ST8SIA5: variants seen among roughly 807,000 people sequenced by gnomAD.
ST8SIA5 encodes the protein ST8 alpha-N-acetyl-neuraminide alpha-2,8-sialyltransferase 5, also known as alpha-2,8-sialyltransferase 8E.
A neutral mutation model predicts 40.2 loss-of-function variants in ST8SIA5; 24 were observed. The ratio of observed to expected loss-of-function variants is 0.60; its 90% CI spans 0.43 to 0.84. The LOEUF (loss-of-function observed/expected upper bound fraction) is 0.84. Among genes scored for constraint, ST8SIA5 ranks in the 40% least tolerant of loss-of-function variants. The probability of loss-of-function intolerance (pLI) is 0.00; values close to 1 mark genes in which losing one functional copy is unlikely to be tolerated. For missense variants in ST8SIA5, 465 were observed against 498.5 expected (o/e 0.93, Z 0.64); for synonymous variants, 198 against 201.8 (o/e 0.98, Z 0.16).
chr18:46,706,178 A>C (rs942379467), intron 1 of ST8SIA5, among the ~76,000 whole-genome samples: 2 of 152,048 alleles, frequency 1.3e-5, no homozygotes, highest in Non-Finnish European at 2.9e-5. Context: ...ATAATATTTT[A>C]AGATATTAAA....
At chr18:46,720,148 A>G (rs962364428) in intron 1 of ST8SIA5, among the ~76,000 whole-genome samples, 5 of 151,998 alleles carry the variant, frequency 3.3e-5, no homozygotes, top group Admixed American at 6.6e-5. Context: ...TTTGACTCGC[A>G]TTTTCTACCC....
chr18:46,680,562 C>A (rs1242702395), intron 6 of ST8SIA5, 52 bp from the exon 7 acceptor site: 1 of 1,486,074 alleles, frequency 6.7e-7, no homozygotes, highest in Non-Finnish European at 9.0e-7. Flanking sequence ...TGCCCTCAGG[C>A]CCCTCGCTTC....
rs966149811 is a variant in ST8SIA5, at chr18:46,727,820, G to GA, written c.132-23157dup. 2.6e-5 allele frequency among the ~76,000 whole-genome samples: 4 copies of GA among 151,834 alleles called. No homozygotes were observed. The East Asian group carries it at 5.8e-4, about 22-fold the overall frequency. ...CCATGTTCTCATGCTCTTTTTTGGG[G>GA]AAAAAAAGACTTTTCCATTGTCCAA... On this transcript the variant is annotated intron_variant, in intron 1 of 6. Coordinates refer to ENST00000315087, the MANE Select transcript of ST8SIA5 (RefSeq NM_013305.6).
chr18:46,680,629 G>A (rs1161080433), intron 6 of ST8SIA5, 119 bp from the exon 7 acceptor site: 1 of 1,013,046 alleles, frequency 9.9e-7, no homozygotes, highest in Non-Finnish European at 1.4e-6. Flanking sequence ...AAGGCCACCT[G>A]CCTCCTGACA....
intron 1 of ST8SIA5, among the ~76,000 whole-genome samples, chr18:46,725,972 A>AAAAATATATATATATAT (rs59660372): frequency 3.4e-5 from 1 of 29,094 alleles, no homozygotes; most frequent in Admixed American, 4.5e-4. Flanking sequence ...AAAAAAAAAA[A>AAAAATATATATATATAT]ATATATATAT....
At chr18:46,754,029 T>C (rs2040219048) in intron 1 of ST8SIA5, among the ~76,000 whole-genome samples, 1 of 152,102 alleles carries the variant, frequency 6.6e-6, no homozygotes. Context: ...TGGTCAAGTG[T>C]TTGTAGACAG....
At chr18:46,749,223 C>T (rs775012892) in intron 1 of ST8SIA5, among the ~76,000 whole-genome samples, 1 of 152,088 alleles carries the variant, frequency 6.6e-6, no homozygotes, top group Non-Finnish European at 1.5e-5. Context: ...GGATAGGGGT[C>T]TGGGAAGCGA....
At chr18:46,709,956 A>G (rs930171421) in intron 1 of ST8SIA5, among the ~76,000 whole-genome samples, 1 of 152,142 alleles carries the variant, frequency 6.6e-6, no homozygotes, top group Non-Finnish European at 1.5e-5. Flanking sequence ...TGAGGGAAGC[A>G]CTTTCTCCAA....
chr18:46,748,589 A>G (rs1429570267), intron 1 of ST8SIA5, among the ~76,000 whole-genome samples: 1 of 151,024 alleles, frequency 6.6e-6, no homozygotes, highest in Non-Finnish European at 1.5e-5. Flanking sequence ...AAAGAATCTA[A>G]ATAGATATTT....
intron 2 of ST8SIA5, among the ~76,000 whole-genome samples, chr18:46,698,824 A>G (rs987767343): frequency 1.3e-5 from 2 of 152,194 alleles, no homozygotes; most frequent in Non-Finnish European, 2.9e-5. Flanking sequence ...GATGAAGAGA[A>G]ACCCTAAAGG....
At chr18:46,740,342 G>A (rs2040075947) in intron 1 of ST8SIA5, among the ~76,000 whole-genome samples, 1 of 151,976 alleles carries the variant, frequency 6.6e-6, no homozygotes, top group South Asian at 2.1e-4. Flanking sequence ...GAAGAAGGGA[G>A]AAAAGGCAAG....
At chr18:46,703,899 G>A (rs1264808444) in intron 2 of ST8SIA5, among the ~76,000 whole-genome samples, 2 of 152,230 alleles carry the variant, frequency 1.3e-5, no homozygotes, top group East Asian at 3.8e-4. Context: ...AGCATTTAAT[G>A]TGCTTTCCCT....
At chr18:46,693,748 C>T (rs1193136200) in intron 2 of ST8SIA5, among the ~76,000 whole-genome samples, 1 of 152,098 alleles carries the variant, frequency 6.6e-6, no homozygotes, top group Non-Finnish European at 1.5e-5. Context: ...ACTAACTGAC[C>T]AATATGAGAT....
chr18:46,725,984 T>TATCCTGG (rs1555696964), intron 1 of ST8SIA5, among the ~76,000 whole-genome samples: 1 of 43,680 alleles, frequency 2.3e-5, no homozygotes, highest in African/African-American at 9.2e-5. Flanking sequence ...TATATATATA[T>TATCCTGG]ATATATATAT....
intron 4 of ST8SIA5, among the ~76,000 whole-genome samples, chr18:46,687,224 A>G (rs2039457175): frequency 6.6e-6 from 1 of 152,260 alleles, no homozygotes; most frequent in Non-Finnish European, 1.5e-5. Context: ...AAAACTATGT[A>G]AAATTCCAAT....
chr18:46,697,098 T>C (rs1204878166), intron 2 of ST8SIA5, among the ~76,000 whole-genome samples: 1 of 128,062 alleles, frequency 7.8e-6, no homozygotes, highest in African/African-American at 3.0e-5. Flanking sequence ...GGAGGAGAGA[T>C]GGAATCAGAC....
chr18:46,756,744 C>G lies in ST8SIA5; in HGVS notation c.-236G>C, dbSNP rs1354566099. On this transcript the variant is annotated 5_prime_UTR_variant, in exon 1 of 7. Transcript: ENST00000315087. Reference sequence around the variant, plus strand: ...CCGGTGGCAGGGAGCTCTGCCGCGGCCAGGGGCCTTCCCCACCCCCGGGTA... The same window carrying G: ...CCGGTGGCAGGGAGCTCTGCCGCGGGCAGGGGCCTTCCCCACCCCCGGGTA... The G allele has an allele frequency of 4.2e-6, 2 of 473,542 alleles. No individual in the cohort carries two copies. Among genetic ancestry groups the G allele is most frequent in the African/African-American group, 2.1e-5 (1 of 48,262 alleles). 29.3% of individuals were successfully genotyped at this position (473,542 alleles called of 1,614,324 possible).
intron 4 of ST8SIA5, among the ~76,000 whole-genome samples, chr18:46,688,161 C>T (rs529712907): frequency 9.2e-5 from 14 of 152,166 alleles, no homozygotes; most frequent in African/African-American, 2.7e-4. Context: ...AGGGAGCCAC[C>T]GTGCCAGCCC....
chr18:46,743,294 A>G (rs911357258), intron 1 of ST8SIA5, among the ~76,000 whole-genome samples: 40 of 152,212 alleles, frequency 2.6e-4, no homozygotes, highest in Admixed American at 2.3e-3. Flanking sequence ...CTAACCCATC[A>G]CAAGGAAGTT....
Sources: allele counts gnomAD v4.1 joint callset (sites outside exome capture counted in the v4.1 genomes callset), GRCh38; gene constraint gnomAD v4.1.1; transcripts MANE v1.5; gene names NCBI Gene and HGNC (gene_info 2026-07-23, HGNC 2026-07-21).